Variants in PLA2G3 observed in about 807,000 individuals in gnomAD.
PLA2G3 encodes group 3 secretory phospholipase A2.
Under a neutral mutation model 51.3 loss-of-function variants are expected in PLA2G3, and 39 were observed. That is an observed-to-expected ratio of 0.76 (90% CI 0.59 to 0.99). The LOEUF (loss-of-function observed/expected upper bound fraction) is 0.99. Among genes scored for constraint, PLA2G3 ranks in the 50% least tolerant of loss-of-function variants. The pLI, the probability that PLA2G3 is intolerant of heterozygous loss-of-function variation, is 0.00. For missense variants in PLA2G3, 677 were observed against 662.1 expected (o/e 1.02, Z -0.25); for synonymous variants, 293 against 263.1 (o/e 1.11, Z -1.10).
chr22:31,140,088 A>T lies in PLA2G3; in HGVS notation c.267T>A (p.His89Gln), dbSNP rs55984643. ...GGATGAAGGAGCCCCAGGCAGTCTC[A>T]TGAGCACAGAGAGCACCGTAGGCTG... ...LTAAYGALCA[H>Q]ETAWGSFIHT... Residue 89 changes from histidine (H) to glutamine (Q), a missense_variant, in exon 1 of 7, where the codon CAT becomes CAA. By Grantham distance (24) the His-to-Gln change is conservative. Coordinates refer to ENST00000215885, the MANE Select transcript of PLA2G3 (RefSeq NM_015715.5). The T allele has an allele frequency of 6.4e-3, 10,367 of 1,613,012 alleles. 52 individuals are homozygous for T. The highest frequency in any genetic ancestry group is 0.016 in the South Asian group (1,444 of 91,070).
chr22:31,139,562 C>T (rs1030860428), intron 1 of PLA2G3, among the ~76,000 whole-genome samples: 2 of 152,148 alleles, frequency 1.3e-5, no homozygotes, highest in African/African-American at 4.8e-5. Flanking sequence ...GGCTTTTTGG[C>T]TCAGTTGACC....
At position 31,137,737 on chromosome 22, in the gene PLA2G3, C is replaced by A. The variant is rs1466086004; in HGVS notation, c.1039G>T (p.Gly347Cys). 6.8e-6 allele frequency: 11 copies of A among 1,611,262 alleles called. No individual in the cohort carries two copies. The highest frequency in any genetic ancestry group is 1.8e-4 in the Middle Eastern group (1 of 5,484). ...TGAGGTTTTAGGCCACCCTGTGGGC[C>A]CTGGAGGCCTGTGGGGGCCACATCA... Reference protein sequence around the residue: ...RLDVAPTGLQGPQGGLKPQGA... With the variant: ...RLDVAPTGLQCPQGGLKPQGA... The change falls in exon 4 of 7, where the codon GGC (glycine) becomes TGC (cysteine). Residue 347 changes from glycine (G) to cysteine (C), a missense_variant. Coordinates refer to ENST00000215885, the MANE Select transcript of PLA2G3 (RefSeq NM_015715.5).
At chr22:31,139,495 G>A (rs892264234) in intron 1 of PLA2G3, among the ~76,000 whole-genome samples, 10 of 152,140 alleles carry the variant, frequency 6.6e-5, no homozygotes, top group South Asian at 4.1e-4. Context: ...CAGGCCTTTC[G>A]TCTCAGCATC....
chr22:31,137,623 GA>G, intron 4 of PLA2G3, 86 bp downstream of exon 4: 1 of 1,228,096 alleles, frequency 8.1e-7, no homozygotes, highest in Non-Finnish European at 1.1e-6. Flanking sequence ...ACTGGTGCAG[GA>G]AAAGAGGCAA....
In PLA2G3 at chr22:31,137,745, C is replaced by T; in HGVS notation, c.1031G>A (p.Gly344Asp). ...VSPRLDVAPT[G>D]LQGPQGGLKP... is the part of the protein sequence containing the mutation. The stretch of plus-strand genomic sequence containing the variant: ...TAGGCCACCCTGTGGGCCCTGGAGG[C>T]CTGTGGGGGCCACATCAAGCCTGGG... Residue 344 changes from glycine to aspartate, a missense_variant, in exon 4 of 7, where the codon GGC becomes GAC. Gly to Asp is a moderately conservative substitution (Grantham distance 94). Coordinates refer to ENST00000215885, the MANE Select transcript of PLA2G3 (RefSeq NM_015715.5). The T allele has an allele frequency of 6.2e-7, 1 of 1,612,554 alleles. No homozygotes were observed. Among genetic ancestry groups the T allele is most frequent in the Non-Finnish European group, 8.5e-7 (1 of 1,179,636 alleles).
Position 31,140,454 on chromosome 22 carries a change from G to A in PLA2G3, c.-100C>T, listed in dbSNP as rs2147897960. ...AGCAGTGGAACGGAAGCGGAGCCCA[G>A]CAGGCCCGGTGCGGCGGGACCAATG... On this transcript the variant is annotated 5_prime_UTR_variant, in exon 1 of 7. Coordinates refer to ENST00000215885, the MANE Select transcript of PLA2G3 (RefSeq NM_015715.5). The A allele has an allele frequency of 7.3e-7, 1 of 1,377,608 alleles. No homozygotes were observed. Among genetic ancestry groups the A allele is most frequent in the East Asian group, 2.3e-5 (1 of 42,844 alleles). 85.3% of individuals were successfully genotyped at this position (1,377,608 alleles called of 1,614,324 possible). A position where few individuals can be genotyped will look rare whatever the true frequency, so the allele number is the denominator to read the frequency against.
chr22:31,136,863 C>T (rs12169070), intron 5 of PLA2G3, 45 bp downstream of exon 5: 1 of 1,601,736 alleles, frequency 6.2e-7, no homozygotes, highest in Non-Finnish European at 8.5e-7. Context: ...CTTCCCATGC[C>T]TGGCAGCAGG....
In PLA2G3 at chr22:31,136,843, C is replaced by T. The variant is rs764060399; in HGVS notation, c.1200-44G>A. 1.9e-6 allele frequency: 3 copies of T among 1,600,402 alleles called. No homozygotes were observed. The African/African-American group carries it at 4.0e-5, about 22-fold the overall frequency. ...TCAGGCCGGGGCAGGGCCTTGCCAG[C>T]CAGGGGCCCCTTCCCATGCCTGGCA... On this transcript the variant is annotated intron_variant, in intron 5 of 6. Coordinates refer to ENST00000215885, the MANE Select transcript of PLA2G3 (RefSeq NM_015715.5).
intron 4 of PLA2G3, among the ~76,000 whole-genome samples, chr22:31,137,312 A>C (rs537234583): frequency 6.6e-6 from 1 of 152,288 alleles, no homozygotes; most frequent in Admixed American, 6.5e-5. Context: ...ATAGGCTGCT[A>C]AACTGAGGGT....
At chr22:31,138,637 A>T (rs767668319) in intron 2 of PLA2G3, 30 bp downstream of exon 2, 1 of 1,613,510 alleles carries the variant, frequency 6.2e-7, no homozygotes, top group East Asian at 2.2e-5. Context: ...CCTGTCCCTG[A>T]GCTCTGGGCC....
At position 31,137,760 on chromosome 22, in the gene PLA2G3, T is replaced by C; in HGVS notation, c.1016A>G (p.Asp339Gly). Reference protein sequence around the residue: ...LQDPMVSPRLDVAPTGLQGPQ... With the variant: ...LQDPMVSPRLGVAPTGLQGPQ... ...GCCCTGGAGGCCTGTGGGGGCCACA[T>C]CAAGCCTGGGAGAGACCATAGGGTC... Residue 339 changes from aspartate (D) to glycine (G), a missense_variant, in exon 4 of 7, where the codon GAT becomes GGT. Transcript: ENST00000215885. 6.2e-7 allele frequency: 1 copy of C among 1,613,534 alleles called. No homozygotes were observed. The highest frequency in any genetic ancestry group is 8.5e-7 in the Non-Finnish European group (1 of 1,179,868).
Position 31,136,674 on chromosome 22 carries a change from A to G in PLA2G3, c.1316+9T>C, listed in dbSNP as rs1922581908. The G allele has an allele frequency of 5.6e-6, 9 of 1,609,416 alleles. No individual in the cohort carries two copies. The highest frequency in any genetic ancestry group is 1.3e-5 in the African/African-American group (1 of 74,802). On this transcript the variant is annotated intron_variant, in intron 6 of 6. Coordinates refer to ENST00000215885, the MANE Select transcript of PLA2G3 (RefSeq NM_015715.5). Reference sequence around the variant, plus strand: ...ACCCCCCATCCCTCCTGGCTCTGACATCACTTACTTTTTGCCTTCCACACA... The same window carrying G: ...ACCCCCCATCCCTCCTGGCTCTGACGTCACTTACTTTTTGCCTTCCACACA...
At chr22:31,138,604 A>T (rs1327154019) in intron 2 of PLA2G3, 63 bp downstream of exon 2, 2 of 1,595,746 alleles carry the variant, frequency 1.3e-6, no homozygotes, top group Non-Finnish European at 8.6e-7. Context: ...ATGTCTAGTT[A>T]CCCAGGAACT....
At position 31,137,027 on chromosome 22, in the gene PLA2G3, G is replaced by A. The variant is rs1239182371; in HGVS notation, c.1080C>T (p.Val360=). The A allele has an allele frequency of 6.5e-7, 1 of 1,541,612 alleles. No homozygotes were observed. The highest frequency in any genetic ancestry group is 8.7e-7 in the Non-Finnish European group (1 of 1,142,986). ...GGLKPQGARW[V]CRSFRRHLDQ... ...CCAGGTGGCGGCGGAAGCTGCGGCAGACCCAGCGGGCACCTGAGGGGTGGA... is the reference window on the plus strand; with the variant it reads ...CCAGGTGGCGGCGGAAGCTGCGGCAAACCCAGCGGGCACCTGAGGGGTGGA... Residue 360 remains valine, a synonymous_variant, in exon 5 of 7, where the codon GTC becomes GTT. Transcript: ENST00000215885.
In PLA2G3 at chr22:31,137,777, C is replaced by A. The variant is rs1350267334; in HGVS notation, c.999G>T (p.Met333Ile). 6.2e-7 allele frequency: 1 copy of A among 1,613,818 alleles called. No individual in the cohort carries two copies. Among genetic ancestry groups the A allele is most frequent in the African/African-American group, 1.3e-5 (1 of 74,916 alleles). The change falls in exon 4 of 7, where the codon ATG becomes ATT. Residue 333 changes from methionine (M) to isoleucine (I), a missense_variant. By Grantham distance (10) the Met-to-Ile change is conservative (BLOSUM62 1). Transcript: ENST00000215885. Reference sequence around the variant, plus strand: ...GGGCCACATCAAGCCTGGGAGAGACCATAGGGTCCTGGAGGGCTGTGGTGT... The same window carrying A: ...GGGCCACATCAAGCCTGGGAGAGACAATAGGGTCCTGGAGGGCTGTGGTGT... ...KANTTALQDPMVSPRLDVAPT... is the reference protein window; with the variant it reads ...KANTTALQDPIVSPRLDVAPT...
chr22:31,139,832 A>G lies in PLA2G3; in HGVS notation c.514+9T>C, dbSNP rs376967370. On this transcript the variant is annotated intron_variant, in intron 1 of 6. Coordinates refer to ENST00000215885, the MANE Select transcript of PLA2G3 (RefSeq NM_015715.5). ...GGACCCCCCAGCCCACACACCCCTC[A>G]TGGCTCACCCAGCTCCGAGGAGTTC... The G allele has an allele frequency of 5.7e-5, 92 of 1,606,884 alleles. No individual in the cohort carries two copies. The highest frequency in any genetic ancestry group is 7.1e-5 in the Non-Finnish European group (83 of 1,175,150).
Position 31,140,446 on chromosome 22 carries a change from G to A in PLA2G3, c.-92C>T, listed in dbSNP as rs1032032501. On this transcript the variant is annotated 5_prime_UTR_variant, in exon 1 of 7. Transcript: ENST00000215885. The stretch of plus-strand genomic sequence containing the variant: ...GGCAGCTGAGCAGTGGAACGGAAGC[G>A]GAGCCCAGCAGGCCCGGTGCGGCGG... 34 of 1,444,928 alleles carry A rather than the reference G, an allele frequency of 2.4e-5. No homozygotes were observed. Among genetic ancestry groups the A allele is most frequent in the South Asian group, 4.1e-5 (3 of 73,278 alleles). The allele number at this position is 1,444,928 out of a possible 1,614,324, so 89.5% of individuals were successfully genotyped here. A position where few individuals can be genotyped will look rare whatever the true frequency, so the allele number is the denominator to read the frequency against.
At chr22:31,136,365 C>G (rs564786439) in intron 6 of PLA2G3, among the ~76,000 whole-genome samples, 1 of 152,098 alleles carries the variant, frequency 6.6e-6, no homozygotes, top group Non-Finnish European at 1.5e-5. Flanking sequence ...GTGTGCCAGG[C>G]GGGGCATGAC....
rs1922790055 is a variant in PLA2G3, at chr22:31,139,874, C to A, written c.481G>T (p.Val161Phe). Residue 161 changes from valine (V) to phenylalanine (F), a missense_variant, in exon 1 of 7, where the codon GTT becomes TTT. Coordinates refer to ENST00000215885, the MANE Select transcript of PLA2G3 (RefSeq NM_015715.5). ...WTMPGTLWCG[V>F]GDSAGNSSEL... ...GAGGAGTTCCCAGCAGAATCTCCAA[C>A]TCCACACCACAGTGTGCCAGGCATG... The A allele has an allele frequency of 1.2e-6, 2 of 1,613,858 alleles. No individual in the cohort carries two copies. The highest frequency in any genetic ancestry group is 1.7e-6 in the Non-Finnish European group (2 of 1,179,950).
Sources: allele counts gnomAD v4.1 joint callset (sites outside exome capture counted in the v4.1 genomes callset), GRCh38; gene constraint gnomAD v4.1.1; transcripts MANE v1.5; gene names NCBI Gene and HGNC (gene_info 2026-07-23, HGNC 2026-07-21).